The following HMCN1 variants were observed in gnomAD, a reference collection of about 807,000 sequenced individuals.
HMCN1 encodes the protein hemicentin 1.
In HMCN1, 321 loss-of-function variants were observed where a neutral mutation model predicts 625.9. That is an observed-to-expected ratio of 0.51 (90% CI 0.47 to 0.56). HMCN1 has a LOEUF of 0.56. HMCN1 is among the 20% of genes least tolerant of loss of function. HMCN1 has a pLI of 0.00. For synonymous variants in HMCN1, 2,425 were observed against 2,417.6 expected, an observed-to-expected ratio of 1.00 and a Z score of -0.09; for missense variants, 6,588 against 6,887.3, an observed-to-expected ratio of 0.96 and a Z score of 1.54.
At position 185,783,507 on chromosome 1, in the gene HMCN1, G is replaced by A. The variant is rs1047734093; in HGVS notation, c.268+48460G>A. ...ACCTTTGGTCTTTGATGATGGTGACGTACGGATGGGGTTTTGGTGTGGATG... is the reference window on the plus strand; with the variant it reads ...ACCTTTGGTCTTTGATGATGGTGACATACGGATGGGGTTTTGGTGTGGATG... On this transcript the variant is annotated intron_variant, in intron 1 of 106. Transcript: ENST00000271588. Among the ~76,000 whole-genome samples the A allele has an allele frequency of 3.3e-5, 5 of 152,180 alleles. No homozygotes were observed. In the East Asian group the frequency reaches 9.7e-4, roughly 29 times the overall value.
At chr1:186,084,699 T>G (rs550494759) in intron 57 of HMCN1, among the ~76,000 whole-genome samples, 92 of 152,156 alleles carry the variant, frequency 6.0e-4, no homozygotes, top group African/African-American at 2.1e-3. Context: ...TCACTCTTGC[T>G]CAGTAAAAGC....
At chr1:186,068,693 C>T (rs934908684) in intron 50 of HMCN1, among the ~76,000 whole-genome samples, 2 of 151,922 alleles carry the variant, frequency 1.3e-5, no homozygotes, top group Non-Finnish European at 2.9e-5. Context: ...CAGTGAAACC[C>T]TGTCCCTACT....
Position 185,734,420 on chromosome 1 carries a change from GGCGGCGAGGGCAGCGGGATTCGGGCC to G in HMCN1, c.-353_-328del, listed in dbSNP as rs991728501. On this transcript the variant is annotated 5_prime_UTR_variant, in exon 1 of 107. Coordinates refer to ENST00000271588, the MANE Select transcript of HMCN1 (RefSeq NM_031935.3). ...GCTGGCCCAGGCGGAGAGCAGCGGC[GGCGGCGAGGGCAGCGGGATTCGGGCC>G]GCGGCGCCGCAGGCTCAGAGCTGCC... is the stretch of plus-strand genomic sequence containing the variant. The G allele has an allele frequency of 4.3e-6, 1 of 232,492 alleles. No individual in the cohort carries two copies. The highest frequency in any genetic ancestry group is 2.3e-5 in the African/African-American group (1 of 43,802). The allele number at this position is 232,492 out of a possible 1,614,324, so 14.4% of individuals were successfully genotyped here. A position where few individuals can be genotyped will look rare whatever the true frequency, so the allele number is the denominator to read the frequency against.
chr1:186,100,026 C>G lies in HMCN1; in HGVS notation c.10574-3446C>G, dbSNP rs917298423. ...GAAGAGGCTGCTGTATTCATACAGCCTGTAAATGCAGGGGCCTGGTCTAGC... is the reference window on the plus strand; with the variant it reads ...GAAGAGGCTGCTGTATTCATACAGCGTGTAAATGCAGGGGCCTGGTCTAGC... On this transcript the variant is annotated intron_variant, in intron 68 of 106. Coordinates refer to ENST00000271588, the MANE Select transcript of HMCN1 (RefSeq NM_031935.3). Among the ~76,000 whole-genome samples, 5 of 151,854 alleles carry G rather than the reference C, an allele frequency of 3.3e-5. No homozygotes were observed. In the East Asian group the frequency reaches 9.7e-4, roughly 30 times the overall value.
At chr1:185,746,388 T>C (rs1042738071) in intron 1 of HMCN1, among the ~76,000 whole-genome samples, 1 of 152,088 alleles carries the variant, frequency 6.6e-6, no homozygotes, top group Admixed American at 6.5e-5. Context: ...CAATAGAAAT[T>C]TATCATCTCA....
At chr1:185,916,938 A>C (rs1666735116) in intron 6 of HMCN1, among the ~76,000 whole-genome samples, 1 of 152,144 alleles carries the variant, frequency 6.6e-6, no homozygotes, top group Non-Finnish European at 1.5e-5. Context: ...TGAATAAATA[A>C]AAAGAAATTT....
chr1:185,935,434 A>G (rs1328198342), intron 11 of HMCN1, among the ~76,000 whole-genome samples: 2 of 152,158 alleles, frequency 1.3e-5, no homozygotes, highest in Non-Finnish European at 2.9e-5. Flanking sequence ...TTCTGAAAAC[A>G]GCATATACAT....
In HMCN1 at chr1:185,846,020, T is replaced by C; in HGVS notation, c.269-6T>C. ...TTATTGACCTATGTTATTTTTATCT[T>C]CACAGAAATTGGCCCAGTGACAATT... On this transcript the variant is annotated splice_polypyrimidine_tract_variant and splice_region_variant and intron_variant, in intron 1 of 106. Transcript: ENST00000271588. 2 of 1,588,412 alleles carry C rather than the reference T, an allele frequency of 1.3e-6. No homozygotes were observed. The highest frequency in any genetic ancestry group is 1.7e-6 in the Non-Finnish European group (2 of 1,156,892).
chr1:185,944,023 C>T (rs747277295), intron 11 of HMCN1, among the ~76,000 whole-genome samples: 7 of 152,084 alleles, frequency 4.6e-5, no homozygotes, highest in Non-Finnish European at 1.0e-4. Flanking sequence ...GAAGGATTAC[C>T]GACTTTTCCT....
At chr1:185,992,438 G>T (rs1241755805) in intron 22 of HMCN1, among the ~76,000 whole-genome samples, 1 of 152,018 alleles carries the variant, frequency 6.6e-6, no homozygotes, top group East Asian at 1.9e-4. Flanking sequence ...AATAATATCA[G>T]GTAGTGCTCT....
At chr1:185,935,058 G>A (rs1460110775) in intron 11 of HMCN1, among the ~76,000 whole-genome samples, 1 of 152,056 alleles carries the variant, frequency 6.6e-6, no homozygotes, top group Non-Finnish European at 1.5e-5. Flanking sequence ...GTCGATCCAA[G>A]TTCTAGCAAC....
chr1:186,131,964 T>G (rs1661959451), intron 85 of HMCN1, among the ~76,000 whole-genome samples: 2 of 152,184 alleles, frequency 1.3e-5, no homozygotes. Context: ...TTAATGCTTT[T>G]TAAGATATCT....
At chr1:186,116,137 T>A (rs1661124306) in intron 75 of HMCN1, among the ~76,000 whole-genome samples, 1 of 152,130 alleles carries the variant, frequency 6.6e-6, no homozygotes, top group African/African-American at 2.4e-5. Context: ...CATGTCTCTT[T>A]TTCACCCTTT....
intron 2 of HMCN1, among the ~76,000 whole-genome samples, chr1:185,849,200 G>C (rs1354443785): frequency 1.3e-5 from 2 of 152,140 alleles, no homozygotes; most frequent in African/African-American, 4.8e-5. Flanking sequence ...CCCCATATCT[G>C]TATCCCCACC....
chr1:186,090,613 A>G (rs1220593852), intron 63 of HMCN1, 145 bp from the exon 64 acceptor site: 2 of 866,220 alleles, frequency 2.3e-6, no homozygotes, highest in Non-Finnish European at 3.6e-6. Flanking sequence ...ATTTAAAAGT[A>G]ATTCATGAAG....
At chr1:185,957,948 T>C (rs1424372404) in intron 11 of HMCN1, among the ~76,000 whole-genome samples, 1 of 152,164 alleles carries the variant, frequency 6.6e-6, no homozygotes, top group Non-Finnish European at 1.5e-5. Context: ...GCATGCTTTT[T>C]CCATTAGTAA....
intron 4 of HMCN1, among the ~76,000 whole-genome samples, chr1:185,896,187 C>T (rs939031879): frequency 5.3e-5 from 8 of 152,046 alleles, no homozygotes; most frequent in Admixed American, 3.9e-4. Context: ...CTGCCTCCCT[C>T]GGCCTCCCAA....
chr1:186,068,868 CAAAAA>C (rs397862240), intron 50 of HMCN1, among the ~76,000 whole-genome samples: 2 of 76,758 alleles, frequency 2.6e-5, no homozygotes, highest in African/African-American at 5.4e-5. Flanking sequence ...GACTCGGTCT[CAAAAA>C]AAAAAAAAAA....
intron 9 of HMCN1, 56 bp downstream of exon 9, chr1:185,925,247 T>C (rs1485165799): frequency 1.3e-5 from 19 of 1,491,300 alleles, no homozygotes; most frequent in Non-Finnish European, 1.7e-5. Flanking sequence ...TAAATATAAA[T>C]AGACTATTAT....
Sources: gnomAD v4.1 joint callset for allele counts (sites outside exome capture counted in the v4.1 genomes callset) on GRCh38, gnomAD v4.1.1 for gene constraint, MANE v1.5 for transcripts, NCBI Gene and HGNC (gene_info 2026-07-23, HGNC 2026-07-21) for gene names.